TENT4B: variants seen among roughly 807,000 people sequenced by gnomAD.
TENT4B encodes the protein terminal nucleotidyltransferase 4B, also known as PAP associated domain containing 5.
In TENT4B, 10 loss-of-function variants were observed where a neutral mutation model predicts 75.0. The observed-to-expected ratio is 0.13, with a 90% confidence interval of 0.08 to 0.23. TENT4B has a LOEUF of 0.23. TENT4B is among the 10% of genes least tolerant of loss of function. The pLI, the probability that TENT4B is intolerant of heterozygous loss-of-function variation, is 1.00. For synonymous variants in TENT4B, 350 were observed against 357.7 expected, an observed-to-expected ratio of 0.98 and a Z score of 0.24; for missense variants, 579 against 893.8, an observed-to-expected ratio of 0.65 and a Z score of 4.49.
chr16:50,159,910 G>GT (rs951665492), intron 1 of TENT4B, among the ~76,000 whole-genome samples: 2 of 151,704 alleles, frequency 1.3e-5, no homozygotes, highest in African/African-American at 4.8e-5. Flanking sequence ...TTTTGTTTTT[G>GT]TTTTTTGAGA....
At chr16:50,215,397 G>A (rs1349965484) in intron 3 of TENT4B, among the ~76,000 whole-genome samples, 1 of 152,060 alleles carries the variant, frequency 6.6e-6, no homozygotes, top group African/African-American at 2.4e-5. Context: ...ACTCAACTTC[G>A]AGTTAATATT....
chr16:50,224,510 G>A, intron 7 of TENT4B, 147 bp from the exon 8 acceptor site: 1 of 842,120 alleles, frequency 1.2e-6, no homozygotes. Flanking sequence ...AGAGACTGGG[G>A]AGCTTTGGGG....
chr16:50,155,290 T>TGTGTGTGTGTGTGTGTGTGTGTGTGG (rs2150660704), intron 1 of TENT4B, among the ~76,000 whole-genome samples: 1 of 151,106 alleles, frequency 6.6e-6, no homozygotes, highest in African/African-American at 2.4e-5. Flanking sequence ...TGTGTGTGTG[T>TGTGTGTGTGTGTGTGTGTGTGTGTGG]GTGTGTGTGT....
At chr16:50,205,303 A>G (rs1318421790) in intron 1 of TENT4B, among the ~76,000 whole-genome samples, 2 of 152,122 alleles carry the variant, frequency 1.3e-5, no homozygotes, top group Admixed American at 6.5e-5. Context: ...CTCCTGGACT[A>G]TAATCTCATC....
intron 1 of TENT4B, among the ~76,000 whole-genome samples, chr16:50,184,553 G>T (rs1001325036): frequency 6.6e-6 from 1 of 152,150 alleles, no homozygotes; most frequent in Non-Finnish European, 1.5e-5. Context: ...TATAGTCCCA[G>T]CTACGCAGGA....
intron 5 of TENT4B, 47 bp from the exon 6 acceptor site, chr16:50,222,259 C>G: frequency 6.6e-7 from 1 of 1,522,744 alleles, no homozygotes; most frequent in Non-Finnish European, 8.9e-7. Flanking sequence ...ATGCTTAGAT[C>G]TGTTGCTGAT....
intron 1 of TENT4B, among the ~76,000 whole-genome samples, chr16:50,165,458 T>G (rs1427068276): frequency 6.7e-6 from 1 of 149,172 alleles, no homozygotes; most frequent in Non-Finnish European, 1.5e-5. Flanking sequence ...TACCATAAAT[T>G]TAACCCTTTT....
intron 1 of TENT4B, among the ~76,000 whole-genome samples, chr16:50,173,433 G>A (rs914115252): frequency 9.9e-5 from 15 of 152,172 alleles, no homozygotes; most frequent in African/African-American, 3.6e-4. Flanking sequence ...CAAGGAGCAC[G>A]ATTGTTGGAT....
intron 11 of TENT4B, 45 bp from the exon 12 acceptor site, chr16:50,229,107 T>A: frequency 1.9e-6 from 3 of 1,595,904 alleles, no homozygotes; most frequent in Non-Finnish European, 2.6e-6. Context: ...ACACTCTGCT[T>A]TTCTGCAATA....
At chr16:50,192,961 C>G (rs1210842360) in intron 1 of TENT4B, among the ~76,000 whole-genome samples, 2 of 152,130 alleles carry the variant, frequency 1.3e-5, no homozygotes, top group African/African-American at 4.8e-5. Context: ...GTGGTCCCAG[C>G]TACTTGGGAG....
intron 1 of TENT4B, among the ~76,000 whole-genome samples, chr16:50,181,464 A>AT (rs35488041): frequency 0.041 from 4,507 of 109,812 alleles, 119 homozygotes; most frequent in Admixed American, 0.087. Flanking sequence ...CAGCTATTGT[A>AT]TTTTTTTTTT....
At chr16:50,199,724 T>C (rs1180259910) in intron 1 of TENT4B, among the ~76,000 whole-genome samples, 1 of 152,236 alleles carries the variant, frequency 6.6e-6, no homozygotes, top group African/African-American at 2.4e-5. Flanking sequence ...TAGTCCTGAA[T>C]AATATTCCAT....
In TENT4B at chr16:50,153,581, G is replaced by C. The variant is rs2150656299; in HGVS notation, c.-41G>C. 1.0e-6 allele frequency: 1 copy of C among 973,856 alleles called. No individual in the cohort carries two copies. The highest frequency in any genetic ancestry group is 4.8e-5 in the South Asian group (1 of 21,000). The allele number at this position is 973,856 out of a possible 1,614,324, so 60.3% of individuals were successfully genotyped here. A position where few individuals can be genotyped will look rare whatever the true frequency, so the allele number is the denominator to read the frequency against. On this transcript the variant is annotated 5_prime_UTR_variant, in exon 1 of 12. Coordinates refer to ENST00000561678, the MANE Select transcript of TENT4B (RefSeq NM_001365324.3). ...GAGGCGGCGGCGGCGGCGGCCCTGC[G>C]GGCGGCCGGGAGGGGCGGGGGCAGC...
chr16:50,214,475 G>GC (rs1555511871), intron 3 of TENT4B, among the ~76,000 whole-genome samples: 1 of 152,104 alleles, frequency 6.6e-6, no homozygotes, highest in African/African-American at 2.4e-5. Context: ...GGCCAACATG[G>GC]TAAAACCCCA....
intron 1 of TENT4B, among the ~76,000 whole-genome samples, chr16:50,179,934 A>G (rs1462009924): frequency 6.6e-6 from 1 of 152,028 alleles, no homozygotes. Flanking sequence ...CCATGCAGAT[A>G]ATGATGATGG....
chr16:50,222,538 G>T (rs573394432), intron 6 of TENT4B, 104 bp downstream of exon 6: 1 of 1,224,776 alleles, frequency 8.2e-7, no homozygotes, highest in African/African-American at 1.5e-5. Flanking sequence ...TAATTGCATT[G>T]CTTTCCTTGA....
At chr16:50,228,273 GT>G (rs1206818761) in intron 11 of TENT4B, among the ~76,000 whole-genome samples, 1 of 152,146 alleles carries the variant, frequency 6.6e-6, no homozygotes. Context: ...TATAAAAAGT[GT>G]CTCAGTTGTA....
chr16:50,222,519 A>G (rs1245728642), intron 6 of TENT4B, 85 bp downstream of exon 6: 15 of 1,445,894 alleles, frequency 1.0e-5, no homozygotes, highest in Non-Finnish European at 1.4e-5. Flanking sequence ...AAAAATCGAA[A>G]TCAACCTGTA....
intron 1 of TENT4B, among the ~76,000 whole-genome samples, chr16:50,194,461 C>A (rs897231129): frequency 6.6e-6 from 1 of 152,170 alleles, no homozygotes; most frequent in African/African-American, 2.4e-5. Flanking sequence ...GCGATCCACC[C>A]GCCTCTGCCT....
Sources: allele counts gnomAD v4.1 joint callset (sites outside exome capture counted in the v4.1 genomes callset), GRCh38; gene constraint gnomAD v4.1.1; transcripts MANE v1.5; gene names NCBI Gene and HGNC (gene_info 2026-07-23, HGNC 2026-07-21).